Variants in NFIX observed in about 807,000 individuals in gnomAD.
NFIX encodes the protein nuclear factor 1 X-type.
Under a neutral mutation model 53.3 loss-of-function variants are expected in NFIX, and 2 were observed. The observed-to-expected ratio is 0.04, with a 90% CI of 0.02 to 0.12. The LOEUF is 0.12. Among genes scored for constraint, NFIX ranks in the 10% least tolerant of loss-of-function variants. The pLI, the probability that NFIX is intolerant of heterozygous loss-of-function variation, is 1.00. For synonymous variants in NFIX, 244 were observed against 289.0 expected, an observed-to-expected ratio of 0.84 and a Z score of 1.58; for missense variants, 310 against 674.5, an observed-to-expected ratio of 0.46 and a Z score of 5.99.
chr19:13,000,830 G>A (rs2011652779), intron 1 of NFIX, among the ~76,000 whole-genome samples: 1 of 152,220 alleles, frequency 6.6e-6, no homozygotes, highest in African/African-American at 2.4e-5. Context: ...GGCTGGATCA[G>A]GGCACATTGC....
At position 13,005,159 on chromosome 19, in the gene NFIX, C is replaced by G. The variant is rs1307672396; in HGVS notation, c.27+9295C>G. Reference sequence around the variant, plus strand: ...AGACTCCTGTCCTCCGTGGGGCTGTCTCACTAATCCTTTGGCCTTTGACTC... The same window carrying G: ...AGACTCCTGTCCTCCGTGGGGCTGTGTCACTAATCCTTTGGCCTTTGACTC... On this transcript the variant is annotated intron_variant, in intron 1 of 10. Transcript: ENST00000592199. The surrounding 1 kb of genome is among the most constrained non-coding windows in gnomAD (Gnocchi z 4.7). Among the ~76,000 whole-genome samples, 1 of 152,240 alleles carries G rather than the reference C, an allele frequency of 6.6e-6. No homozygotes were observed. Among genetic ancestry groups the G allele is most frequent in the Non-Finnish European group, 1.5e-5 (1 of 68,046 alleles).
chr19:13,083,664 AAGG>A (rs1186823953), intron 8 of NFIX, among the ~76,000 whole-genome samples: 16 of 152,200 alleles, frequency 1.1e-4, no homozygotes, highest in African/African-American at 3.9e-4. Flanking sequence ...TTGATTAAGC[AAGG>A]AGTGTGGCCC....
intron 1 of NFIX, among the ~76,000 whole-genome samples, chr19:13,003,741 C>CTTGG (rs1568253048): frequency 1.3e-4 from 19 of 151,998 alleles, no homozygotes; most frequent in African/African-American, 4.6e-4. Context: ...CAAGCTCAAA[C>CTTGG]GATCTACCCA....
intron 5 of NFIX, among the ~76,000 whole-genome samples, chr19:13,074,420 T>C (rs928269472): frequency 8.5e-5 from 13 of 152,176 alleles, no homozygotes; most frequent in African/African-American, 3.1e-4. Flanking sequence ...CGGGGCACCC[T>C]GCAGAGGGCT....
rs911262595 is a variant in NFIX at position 13,093,680 on chromosome 19, G to A, written c.1495-955G>A. On this transcript the variant is annotated intron_variant, in intron 10 of 10. Transcript: ENST00000592199. This position sits in a 1 kb window ranked among gnomAD's most constrained non-coding sequence, Gnocchi z 4.7. The stretch of plus-strand genomic sequence containing the variant: ...TGGTATGTGCTCTGTAGTTGGCTCC[G>A]CCTGGCCCCTGCAGACCAGAGTCTG... Among the ~76,000 whole-genome samples the A allele has an allele frequency of 5.3e-5, 8 of 152,218 alleles. No homozygotes were observed. Among genetic ancestry groups the A allele is most frequent in the South Asian group, 4.1e-4 (2 of 4,836 alleles).
rs528021457 is a variant in NFIX, at chr19:13,051,941, G to A, written c.560-21106G>A. 1.6e-3 allele frequency among the ~76,000 whole-genome samples: 250 copies of A among 152,306 alleles called. No homozygotes were observed. Among genetic ancestry groups the A allele is most frequent in the African/African-American group, 5.7e-3 (238 of 41,560 alleles). On this transcript the variant is annotated intron_variant, in intron 2 of 10. Coordinates refer to ENST00000592199, the MANE Select transcript of NFIX (RefSeq NM_001365902.3). This position sits in a 1 kb window ranked among gnomAD's most constrained non-coding sequence, Gnocchi z 5.1. ...CCTCCTCACAGCGCCCGCCTTCTCC[G>A]CTCCGGCTTCATGCTCTCCAGGTTT...
In NFIX at chr19:13,090,760, C is replaced by T. The variant is rs2018083945; in HGVS notation, c.1494+370C>T. On this transcript the variant is annotated intron_variant, in intron 10 of 10. Coordinates refer to ENST00000592199, the MANE Select transcript of NFIX (RefSeq NM_001365902.3). This position sits in a 1 kb window ranked among gnomAD's most constrained non-coding sequence, Gnocchi z 6.6. ...TGCTTTCACCTGCCCCGACTGGAAG[C>T]CCCGGCCCCTAGCCCTCCCCTTTCC... Among the ~76,000 whole-genome samples the T allele has an allele frequency of 2.0e-5, 3 of 152,198 alleles. No homozygotes were observed. In the South Asian group the frequency reaches 6.2e-4, roughly 31 times the overall value.
chr19:13,006,173 G>C lies in NFIX; in HGVS notation c.27+10309G>C, dbSNP rs2012004351. On this transcript the variant is annotated intron_variant, in intron 1 of 10. Transcript: ENST00000592199. This position sits in a 1 kb window ranked among gnomAD's most constrained non-coding sequence, Gnocchi z 5.6. ...TGCTGTGGGAAGAACAGAGCTGGCCGGGCCCTCGGGAGTGCTGGGCAGCTG... is the reference window on the plus strand; with the variant it reads ...TGCTGTGGGAAGAACAGAGCTGGCCCGGCCCTCGGGAGTGCTGGGCAGCTG... Among the ~76,000 whole-genome samples the C allele has an allele frequency of 6.6e-6, 1 of 152,162 alleles. No homozygotes were observed. Among genetic ancestry groups the C allele is most frequent in the Admixed American group, 6.5e-5 (1 of 15,278 alleles).
chr19:13,055,031 T>G lies in NFIX; in HGVS notation c.560-18016T>G, dbSNP rs528388343. ...CCGTCGGTTCTTTCTGGCCTCGTGA[T>G]GGGTGGGGCCCACTTTTCCCTTCCT... is the stretch of plus-strand genomic sequence containing the variant. On this transcript the variant is annotated intron_variant, in intron 2 of 10. Coordinates refer to ENST00000592199, the MANE Select transcript of NFIX (RefSeq NM_001365902.3). Among the ~76,000 whole-genome samples, 3 of 152,198 alleles carry G rather than the reference T, an allele frequency of 2.0e-5. No homozygotes were observed. The South Asian group carries it at 6.2e-4, about 32-fold the overall frequency.
chr19:13,062,226 T>TGA (rs1488393242), intron 2 of NFIX, among the ~76,000 whole-genome samples: 1 of 152,226 alleles, frequency 6.6e-6, no homozygotes, highest in Non-Finnish European at 1.5e-5. Flanking sequence ...GTCCTGTGTC[T>TGA]GGAACCAGCT....
intron 1 of NFIX, among the ~76,000 whole-genome samples, chr19:13,019,723 G>GT (rs1414490273): frequency 5.2e-5 from 6 of 115,794 alleles, no homozygotes; most frequent in African/African-American, 1.4e-4. Flanking sequence ...TTTTTTTTTT[G>GT]TTTGTTTGTT....
rs1238098447 is a variant in NFIX at position 13,090,444 on chromosome 19, T to TG, written c.1494+60dup. ...CAGGGACCAGGGGAGTAGTCAGGGT[T>TG]GGGGGGCATCTTGGTGTTAGGGAAG... On this transcript the variant is annotated intron_variant, in intron 10 of 10. Transcript: ENST00000592199. The surrounding 1 kb of genome is among the most constrained non-coding windows in gnomAD (Gnocchi z 6.6). The TG allele has an allele frequency of 9.2e-6, 14 of 1,522,352 alleles. No individual in the cohort carries two copies. Among genetic ancestry groups the TG allele is most frequent in the Admixed American group, 1.7e-5 (1 of 59,838 alleles). The allele number at this position is 1,522,352 out of a possible 1,614,324, so 94.3% of individuals were successfully genotyped here.
chr19:13,015,022 G>T (rs1386237168), intron 1 of NFIX, among the ~76,000 whole-genome samples: 1 of 152,198 alleles, frequency 6.6e-6, no homozygotes, highest in Non-Finnish European at 1.5e-5. Flanking sequence ...GGGCATAGGG[G>T]TTAGTGCCCA....
chr19:13,081,206 G>A lies in NFIX; in HGVS notation c.1079-474G>A, dbSNP rs1200501807. On this transcript the variant is annotated intron_variant, in intron 7 of 10. Coordinates refer to ENST00000592199, the MANE Select transcript of NFIX (RefSeq NM_001365902.3). The surrounding 1 kb of genome is among the most constrained non-coding windows in gnomAD (Gnocchi z 4.7). Reference sequence around the variant, plus strand: ...TGTAGTGCTGGTTACTTGGGGGGCTGAGGTGGGAGGATTGCATGAGCCCAG... The same window carrying A: ...TGTAGTGCTGGTTACTTGGGGGGCTAAGGTGGGAGGATTGCATGAGCCCAG... Among the ~76,000 whole-genome samples the A allele has an allele frequency of 2.0e-5, 3 of 151,884 alleles. No individual in the cohort carries two copies. Among genetic ancestry groups the A allele is most frequent in the Non-Finnish European group, 4.4e-5 (3 of 67,996 alleles).
chr19:13,000,562 G>A (rs192661498), intron 1 of NFIX, among the ~76,000 whole-genome samples: 1 of 151,926 alleles, frequency 6.6e-6, no homozygotes, highest in African/African-American at 2.4e-5. Flanking sequence ...GGGAGAGTGG[G>A]GGGCAGGAGG....
chr19:13,046,170 G>A (rs1187418811), intron 2 of NFIX, among the ~76,000 whole-genome samples: 1 of 152,158 alleles, frequency 6.6e-6, no homozygotes, highest in African/African-American at 2.4e-5. Context: ...TTCCACTTTT[G>A]TTTTCAACTT....
Position 13,088,193 on chromosome 19 carries a change from A to G in NFIX, c.1402+57A>G, listed in dbSNP as rs2017903149. 2.6e-6 allele frequency: 4 copies of G among 1,525,504 alleles called. No individual in the cohort carries two copies. The African/African-American group carries it at 4.1e-5, about 16-fold the overall frequency. 94.5% of individuals were successfully genotyped at this position (1,525,504 alleles called of 1,614,324 possible). A position where few individuals can be genotyped will look rare whatever the true frequency, so the allele number is the denominator to read the frequency against. ...CCCAGCGTCCCCGGCCCGTCCAAAC[A>G]GTCTCCACTGCAAAAAGAAAAGCCT... On this transcript the variant is annotated intron_variant, in intron 9 of 10. Coordinates refer to ENST00000592199, the MANE Select transcript of NFIX (RefSeq NM_001365902.3). The surrounding 1 kb of genome is among the most constrained non-coding windows in gnomAD (Gnocchi z 5.9).
chr19:13,083,780 C>T (rs776171357), intron 8 of NFIX, among the ~76,000 whole-genome samples: 10 of 152,194 alleles, frequency 6.6e-5, no homozygotes, highest in Non-Finnish European at 1.5e-4. Flanking sequence ...ATGGAGCCCA[C>T]GCCCGGCTTC....
chr19:13,071,161 T>C (rs1033793212), intron 2 of NFIX: 5 of 152,256 alleles, frequency 3.3e-5, no homozygotes, highest in African/African-American at 7.2e-5. Context: ...CACGTGACCC[T>C]CGCTGAGCTC....
Sources: gnomAD v4.1 joint callset for allele counts (sites outside exome capture counted in the v4.1 genomes callset) on GRCh38, gnomAD v4.1.1 for gene constraint, Gnocchi (gnomAD v3.1) non-coding constraint, MANE v1.5 for transcripts, NCBI Gene and HGNC (gene_info 2026-07-23, HGNC 2026-07-21) for gene names.